POU6F2: variants seen among roughly 807,000 people sequenced by gnomAD.
The protein encoded by POU6F2 is POU class 6 homeobox 2.
A neutral mutation model predicts 71.3 loss-of-function variants in POU6F2; 31 were observed. That is an observed-to-expected ratio of 0.43 (90% CI 0.33 to 0.59). POU6F2 has a LOEUF of 0.59. Ranked by LOEUF, POU6F2 falls within the 20% of genes least tolerant of loss-of-function variation. The pLI, the probability that POU6F2 is intolerant of heterozygous loss-of-function variation, is 0.04. For synonymous variants in POU6F2, 347 were observed against 355.7 expected (o/e 0.98, Z 0.27); for missense variants, 783 against 856.8 (o/e 0.91, Z 1.07).
At chr7:39,312,976 G>A (rs1439485515) in intron 4 of POU6F2, among the ~76,000 whole-genome samples, 2 of 152,170 alleles carry the variant, frequency 1.3e-5, no homozygotes, top group Non-Finnish European at 2.9e-5. Flanking sequence ...CTGACCACGG[G>A]TAATTGAAAG....
chr7:39,091,733 T>A (rs1791366080), intron 2 of POU6F2, among the ~76,000 whole-genome samples: 5 of 152,196 alleles, frequency 3.3e-5, no homozygotes, highest in African/African-American at 1.2e-4. Context: ...TTGCTTTCGC[T>A]CTTAATTACC....
At chr7:39,129,304 T>G (rs1209274926) in intron 2 of POU6F2, among the ~76,000 whole-genome samples, 2 of 152,232 alleles carry the variant, frequency 1.3e-5, no homozygotes, top group African/African-American at 2.4e-5. Flanking sequence ...TGTTCACTAT[T>G]GCATTCTTAT....
chr7:39,216,195 G>A (rs757427502), intron 4 of POU6F2, among the ~76,000 whole-genome samples: 4 of 152,142 alleles, frequency 2.6e-5, no homozygotes, highest in Admixed American at 6.5e-5. Flanking sequence ...ATGACAAGGC[G>A]CTGTGTCCAA....
Position 39,204,600 on chromosome 7 carries a change from G to A in POU6F2, c.369+274G>A, listed in dbSNP as rs549252634. Reference sequence around the variant, plus strand: ...TTTTATCTTAAAACCCACTACAATTGTGCTGTTGGTTACCGTGCAGTTTCC... The same window carrying A: ...TTTTATCTTAAAACCCACTACAATTATGCTGTTGGTTACCGTGCAGTTTCC... On this transcript the variant is annotated intron_variant, in intron 3 of 9. Coordinates refer to ENST00000518318, the MANE Select transcript of POU6F2 (RefSeq NM_001370959.1). Among the ~76,000 whole-genome samples, 3 of 150,136 alleles carry A rather than the reference G, an allele frequency of 2.0e-5. No homozygotes were observed. In the East Asian group the frequency reaches 5.9e-4, roughly 30 times the overall value.
chr7:39,117,224 G>C (rs1791949144), intron 2 of POU6F2, among the ~76,000 whole-genome samples: 1 of 152,182 alleles, frequency 6.6e-6, no homozygotes, highest in South Asian at 2.1e-4. Flanking sequence ...GTTGCTGAAA[G>C]CTTCAGCTTG....
intron 4 of POU6F2, among the ~76,000 whole-genome samples, chr7:39,266,079 A>G (rs1268237267): frequency 6.6e-6 from 1 of 152,174 alleles, no homozygotes; most frequent in East Asian, 1.9e-4. Context: ...CATCTCACCC[A>G]CTGGGAGGGA....
At chr7:39,254,779 G>C (rs1323590497) in intron 4 of POU6F2, among the ~76,000 whole-genome samples, 1 of 152,136 alleles carries the variant, frequency 6.6e-6, no homozygotes, top group East Asian at 1.9e-4. Flanking sequence ...AGAGAAATAT[G>C]ATCTGCCCTG....
intron 1 of POU6F2, among the ~76,000 whole-genome samples, chr7:39,082,483 C>T (rs776083043): frequency 6.6e-6 from 1 of 152,174 alleles, no homozygotes; most frequent in Non-Finnish European, 1.5e-5. Flanking sequence ...TTTACCGCTG[C>T]AGAGATCCTT....
intron 4 of POU6F2, among the ~76,000 whole-genome samples, chr7:39,295,266 C>G (rs1248117195): frequency 6.6e-6 from 1 of 151,964 alleles, no homozygotes; most frequent in Non-Finnish European, 1.5e-5. Context: ...ACACGAAAAT[C>G]AGTCTAACTG....
chr7:39,223,789 G>A (rs1389191206), intron 4 of POU6F2, among the ~76,000 whole-genome samples: 3 of 152,132 alleles, frequency 2.0e-5, no homozygotes, highest in African/African-American at 7.2e-5. Context: ...TCTCTCATCA[G>A]TTTGAAGTAT....
At chr7:39,031,301 T>C (rs780222668) in intron 1 of POU6F2, among the ~76,000 whole-genome samples, 7 of 152,202 alleles carry the variant, frequency 4.6e-5, no homozygotes, top group Non-Finnish European at 8.8e-5. Flanking sequence ...TACTGTTATA[T>C]TGATTTTAGG....
chr7:39,344,659 C>G (rs1464312094), intron 5 of POU6F2, among the ~76,000 whole-genome samples: 3 of 148,800 alleles, frequency 2.0e-5, no homozygotes, highest in African/African-American at 7.4e-5. Context: ...CCTCCCCCCC[C>G]AGCAATTAGT....
At chr7:39,009,567 G>T (rs1459817704) in intron 1 of POU6F2, among the ~76,000 whole-genome samples, 1 of 152,108 alleles carries the variant, frequency 6.6e-6, no homozygotes, top group African/African-American at 2.4e-5. Flanking sequence ...ATGTTGAATA[G>T]GAGTGGTGAG....
At chr7:39,319,374 G>A (rs770315605) in intron 4 of POU6F2, among the ~76,000 whole-genome samples, 7 of 152,126 alleles carry the variant, frequency 4.6e-5, no homozygotes, top group South Asian at 2.1e-4. Flanking sequence ...CTTCACGCTC[G>A]CTGGACTTGG....
At chr7:39,430,068 CAGCATA>C (rs1455333241) in intron 6 of POU6F2, among the ~76,000 whole-genome samples, 1 of 152,124 alleles carries the variant, frequency 6.6e-6, no homozygotes, top group Admixed American at 6.5e-5. Flanking sequence ...GAATCAGAGC[CAGCATA>C]AGCGAAATAG....
intron 4 of POU6F2, among the ~76,000 whole-genome samples, chr7:39,333,653 G>A (rs1431184480): frequency 6.6e-6 from 1 of 152,144 alleles, no homozygotes; most frequent in African/African-American, 2.4e-5. Flanking sequence ...CAGGAGAATC[G>A]CTTGAACCTG....
chr7:38,997,781 T>C (rs1181210133), intron 1 of POU6F2, among the ~76,000 whole-genome samples: 1 of 152,222 alleles, frequency 6.6e-6, no homozygotes, highest in African/African-American at 2.4e-5. Flanking sequence ...ATGGCACGTA[T>C]GGGTATATGT....
intron 1 of POU6F2, among the ~76,000 whole-genome samples, chr7:39,040,228 T>C (rs1269048317): frequency 6.9e-6 from 1 of 144,772 alleles, no homozygotes; most frequent in African/African-American, 2.6e-5. Flanking sequence ...TTCTTGCATG[T>C]AAAATAATGC....
At chr7:39,016,048 TATATATATTATATATAATATATAG>T (rs1363537031) in intron 1 of POU6F2, among the ~76,000 whole-genome samples, 1 of 49,078 alleles carries the variant, frequency 2.0e-5, no homozygotes, top group Non-Finnish European at 3.9e-5. Flanking sequence ...TATTATATAT[TATATATATTATATATAATATATAG>T]ATATATATTA....
Sources: gnomAD v4.1 joint callset for allele counts (sites outside exome capture counted in the v4.1 genomes callset) on GRCh38, gnomAD v4.1.1 for gene constraint, MANE v1.5 for transcripts, NCBI Gene and HGNC (gene_info 2026-07-23, HGNC 2026-07-21) for gene names.